The following ACSS1 variants were observed in gnomAD, a reference collection of about 807,000 sequenced individuals.
ACSS1 encodes the protein acetyl-coenzyme A synthetase 2-like, mitochondrial.
ACSS1 carries 42 observed loss-of-function variants against 75.3 expected under a neutral mutation model. That is an observed-to-expected ratio of 0.56 (90% CI 0.44 to 0.72). The LOEUF is 0.72. Among genes scored for constraint, ACSS1 ranks in the 30% least tolerant of loss-of-function variants. The pLI is 0.00. For synonymous variants in ACSS1, 380 were observed against 376.8 expected (o/e 1.01, Z -0.10); for missense variants, 782 against 935.7 (o/e 0.84, Z 2.14).
intron 4 of ACSS1, 135 bp from the exon 5 acceptor site, chr20:25,023,227 A>C: frequency 2.4e-6 from 3 of 1,249,200 alleles, no homozygotes; most frequent in East Asian, 2.5e-5. Flanking sequence ...TCAATTCCAA[A>C]TGTGGAAAGG....
Position 25,012,816 on chromosome 20 carries a change from G to A in ACSS1, c.1703C>T (p.Ala568Val), listed in dbSNP as rs1352805437. 1.2e-6 allele frequency: 2 copies of A among 1,614,148 alleles called. No homozygotes were observed. Among genetic ancestry groups the A allele is most frequent in the Non-Finnish European group, 8.5e-7 (1 of 1,180,014 alleles). ...GGAGGCCCAGCCTGTGCTCACGATG[G>A]CGTCCTCAATCTCTGCGGTCCCCAG... ...HRLGTAEIED[A>V]IADHPAVPES... Residue 568 changes from alanine (A) to valine (V), a missense_variant, in exon 11 of 14, where the codon GCC (alanine) becomes GTC (valine). Physicochemically the swap from Ala to Val is moderately conservative, Grantham distance 64. Coordinates refer to ENST00000323482, the MANE Select transcript of ACSS1 (RefSeq NM_032501.4).
At chr20:25,013,769 T>C in intron 9 of ACSS1, 107 bp from the exon 10 acceptor site, 2 of 1,458,330 alleles carry the variant, frequency 1.4e-6, no homozygotes, top group Non-Finnish European at 1.8e-6. Flanking sequence ...CTCTCCCCTC[T>C]GCCCCTGAGG....
rs1270041712 is a variant in ACSS1, at chr20:25,025,526, G to A, written c.632-1885C>T. Among the ~76,000 whole-genome samples the A allele has an allele frequency of 2.0e-5, 3 of 152,194 alleles. No individual in the cohort carries two copies. The East Asian group carries it at 5.8e-4, about 29-fold the overall frequency. ...ACACTCATTTTTAGCTCAGAGTTCT[G>A]TCGTCTGGACAGGCTTGGTGGGGTT... On this transcript the variant is annotated intron_variant, in intron 3 of 13. Coordinates refer to ENST00000323482, the MANE Select transcript of ACSS1 (RefSeq NM_032501.4).
At chr20:25,026,040 T>G (rs2088711576) in intron 3 of ACSS1, among the ~76,000 whole-genome samples, 1 of 152,126 alleles carries the variant, frequency 6.6e-6, no homozygotes, top group South Asian at 2.1e-4. Flanking sequence ...TCTCCTGACC[T>G]CTACCCTCCC....
rs537396766 is a variant in ACSS1 at position 25,056,161 on chromosome 20, G to A, written c.334+1608C>T. 3.7e-4 allele frequency among the ~76,000 whole-genome samples: 56 copies of A among 152,302 alleles called. 1 individual carries two copies. Among genetic ancestry groups the A allele is most frequent in the African/African-American group, 1.3e-3 (56 of 41,568 alleles). On this transcript the variant is annotated intron_variant, in intron 1 of 13. Coordinates refer to ENST00000323482, the MANE Select transcript of ACSS1 (RefSeq NM_032501.4). ...AAGGTCCTTGCTGTTGGCCCCAGGA[G>A]GTCCGCCCCACTGTCTTATCTGAGT...
At chr20:25,053,303 G>T (rs535325586) in intron 1 of ACSS1, among the ~76,000 whole-genome samples, 1 of 150,256 alleles carries the variant, frequency 6.7e-6, no homozygotes, top group Non-Finnish European at 1.5e-5. Flanking sequence ...GGGCTCAAGC[G>T]ATCTGCCCAC....
chr20:25,017,956 C>T (rs960553025), intron 7 of ACSS1, among the ~76,000 whole-genome samples: 1 of 152,212 alleles, frequency 6.6e-6, no homozygotes, highest in Non-Finnish European at 1.5e-5. Flanking sequence ...CTGGCCACCC[C>T]GCTGTTTGTT....
intron 1 of ACSS1, among the ~76,000 whole-genome samples, chr20:25,057,385 C>T (rs1600358212): frequency 6.6e-6 from 1 of 152,326 alleles, no homozygotes; most frequent in African/African-American, 2.4e-5. Context: ...CGGGAAAGTC[C>T]CGACTCCGGG....
At chr20:25,052,411 C>T (rs1396297506) in intron 1 of ACSS1, among the ~76,000 whole-genome samples, 1 of 152,222 alleles carries the variant, frequency 6.6e-6, no homozygotes, top group East Asian at 1.9e-4. Context: ...CTGTCCTTCG[C>T]CTCTCAGAGG....
chr20:25,011,685 C>G (rs1425932735), intron 12 of ACSS1: 1 of 152,312 alleles, frequency 6.6e-6, no homozygotes, highest in African/African-American at 2.4e-5. Context: ...TCCATGGCAA[C>G]TGAAAATGCT....
intron 1 of ACSS1, among the ~76,000 whole-genome samples, chr20:25,056,854 C>G (rs2062541886): frequency 6.6e-6 from 1 of 152,232 alleles, no homozygotes; most frequent in Non-Finnish European, 1.5e-5. Context: ...GGCCCCACAC[C>G]CAGGCCCACC....
intron 1 of ACSS1, among the ~76,000 whole-genome samples, chr20:25,054,036 C>A (rs963629720): frequency 2.6e-5 from 4 of 152,234 alleles, no homozygotes; most frequent in Non-Finnish European, 5.9e-5. Flanking sequence ...CCTTTTAGAA[C>A]CTGGCTCTCC....
intron 1 of ACSS1, among the ~76,000 whole-genome samples, chr20:25,050,217 G>A (rs193182501): frequency 8.0e-4 from 122 of 152,156 alleles, no homozygotes; most frequent in Non-Finnish European, 8.5e-4. Context: ...TTTAAAAATC[G>A]AGAGCTTTCA....
intron 13 of ACSS1, among the ~76,000 whole-genome samples, chr20:25,008,192 C>G (rs2088344747): frequency 6.6e-6 from 1 of 152,238 alleles, no homozygotes; most frequent in Admixed American, 6.5e-5. Context: ...GCCGGGTTCA[C>G]CCCGTACTGC....
intron 8 of ACSS1, among the ~76,000 whole-genome samples, chr20:25,014,768 T>C (rs1194793666): frequency 6.6e-6 from 1 of 152,196 alleles, no homozygotes; most frequent in Non-Finnish European, 1.5e-5. Flanking sequence ...CATCAGATGT[T>C]CCCCTGTTCA....
In ACSS1 at chr20:25,007,577, T is replaced by A; in HGVS notation, c.*185A>T. ...ATAGCCTCTCCATGGGTGACACTCC[T>A]GGGACCTCCAATGGATGGGAGAAAG... On this transcript the variant is annotated 3_prime_UTR_variant, in exon 14 of 14. Transcript: ENST00000323482. The A allele has an allele frequency of 6.9e-7, 1 of 1,440,910 alleles. No individual in the cohort carries two copies. The allele number at this position is 1,440,910 out of a possible 1,614,324, so 89.3% of individuals were successfully genotyped here. A position where few individuals can be genotyped will look rare whatever the true frequency, so the allele number is the denominator to read the frequency against.
At chr20:25,050,698 T>C (rs1222027065) in intron 1 of ACSS1, among the ~76,000 whole-genome samples, 2 of 152,016 alleles carry the variant, frequency 1.3e-5, no homozygotes, top group African/African-American at 4.8e-5. Flanking sequence ...TCGCCTCACC[T>C]GCTCCCACAG....
intron 1 of ACSS1, among the ~76,000 whole-genome samples, chr20:25,050,885 G>A (rs574784027): frequency 1.4e-3 from 219 of 152,270 alleles, no homozygotes; most frequent in African/African-American, 5.1e-3. Flanking sequence ...CCCAGGTGCG[G>A]CTGGGTGGCC....
chr20:25,018,571 A>G (rs1237733588), intron 7 of ACSS1, among the ~76,000 whole-genome samples: 1 of 152,176 alleles, frequency 6.6e-6, no homozygotes, highest in African/African-American at 2.4e-5. Flanking sequence ...GCTGCGTTCA[A>G]CACAGGCTGC....
Sources: allele counts gnomAD v4.1 joint callset (sites outside exome capture counted in the v4.1 genomes callset), GRCh38; gene constraint gnomAD v4.1.1; transcripts MANE v1.5; gene names NCBI Gene and HGNC (gene_info 2026-07-23, HGNC 2026-07-21).